CDKN2C: variants seen among roughly 807,000 people sequenced by gnomAD.
CDKN2C encodes cyclin-dependent kinase 4 inhibitor C.
In CDKN2C, 5 loss-of-function variants were observed where a neutral mutation model predicts 11.0. The ratio of observed to expected loss-of-function variants is 0.45; its 90% CI spans 0.24 to 0.95. CDKN2C has a LOEUF of 0.95. CDKN2C is among the 40% of genes least tolerant of loss of function. CDKN2C has a pLI of 0.21. For missense variants in CDKN2C, 161 were observed against 211.9 expected (o/e 0.76, Z 1.49); for synonymous variants, 79 against 88.3 (o/e 0.89, Z 0.59).
At chr1:50,972,162 A>G (rs1645384526) in intron 1 of CDKN2C, among the ~76,000 whole-genome samples, 2 of 152,278 alleles carry the variant, frequency 1.3e-5, no homozygotes, top group East Asian at 1.9e-4. Context: ...TGTTTGCTTT[A>G]CGAAGATCCA....
At chr1:50,963,294 G>T (rs1645334259) in intron 1 of CDKN2C, among the ~76,000 whole-genome samples, 1 of 152,158 alleles carries the variant, frequency 6.6e-6, no homozygotes. Context: ...ACCGCTTTAT[G>T]CCATGTGTTT....
chr1:50,967,629 A>G (rs1185028361), upstream of CDKN2C, among the ~76,000 whole-genome samples: 1 of 152,250 alleles, frequency 6.6e-6, no homozygotes, highest in Non-Finnish European at 1.5e-5. Context: ...CACTGGGTGC[A>G]TCATGCAACC....
At chr1:50,972,751 T>C (rs977188131) in intron 1 of CDKN2C, among the ~76,000 whole-genome samples, 18 of 152,184 alleles carry the variant, frequency 1.2e-4, no homozygotes, top group African/African-American at 4.8e-5. Context: ...ATAATCTTTG[T>C]TATGTGAATT....
chr1:50,970,188 G>C, upstream of CDKN2C: 1 of 697,016 alleles, frequency 1.4e-6, no homozygotes, highest in Admixed American at 2.7e-5. Context: ...CGTGTGAATC[G>C]AGGGGCGGGC....
chr1:50,964,255 C>T (rs1645337179), intron 1 of CDKN2C, among the ~76,000 whole-genome samples: 1 of 152,184 alleles, frequency 6.6e-6, no homozygotes, highest in Non-Finnish European at 1.5e-5. Context: ...TGTCATGTCT[C>T]AGTAGCCTCT....
chr1:50,961,869 A>G (rs1262208903), intron 1 of CDKN2C, among the ~76,000 whole-genome samples: 2 of 152,250 alleles, frequency 1.3e-5, no homozygotes, highest in Non-Finnish European at 2.9e-5. Flanking sequence ...GAATATATTC[A>G]TGAGAAATCA....
At position 50,974,417 on chromosome 1, in the gene CDKN2C, C is replaced by A; in HGVS notation, c.*147C>A. 1.4e-6 allele frequency: 1 copy of A among 723,182 alleles called. No individual in the cohort carries two copies. The highest frequency in any genetic ancestry group is 2.1e-6 in the Non-Finnish European group (1 of 474,738). The allele number at this position is 723,182 out of a possible 1,614,324, so 44.8% of individuals were successfully genotyped here. A position where few individuals can be genotyped will look rare whatever the true frequency, so the allele number is the denominator to read the frequency against. On this transcript the variant is annotated 3_prime_UTR_variant, in exon 2 of 2. Coordinates refer to ENST00000371761, the MANE Select transcript of CDKN2C (RefSeq NM_078626.3). Reference sequence around the variant, plus strand: ...AACTGCATAAGTGAAAATCTTACAACAGGCTTATGAATATATTTAAGCAAC... The same window carrying A: ...AACTGCATAAGTGAAAATCTTACAAAAGGCTTATGAATATATTTAAGCAAC...
chr1:50,962,917 T>C (rs992508889), intron 1 of CDKN2C, among the ~76,000 whole-genome samples: 5 of 152,244 alleles, frequency 3.3e-5, no homozygotes, highest in Non-Finnish European at 7.3e-5. Flanking sequence ...AATTGTGGTT[T>C]GAGTTCTAAC....
upstream of CDKN2C, among the ~76,000 whole-genome samples, chr1:50,967,230 A>G (rs1312953387): frequency 6.6e-6 from 1 of 152,232 alleles, no homozygotes; most frequent in African/African-American, 2.4e-5. Context: ...AGAATAATCA[A>G]AAGTAAATTA....
upstream of CDKN2C, among the ~76,000 whole-genome samples, chr1:50,965,990 A>G (rs192589954): frequency 1.6e-3 from 244 of 152,354 alleles, no homozygotes; most frequent in Non-Finnish European, 1.3e-3. Context: ...AATGAGGGAA[A>G]AGCACAGAAT....
At chr1:50,962,965 T>A (rs1307089793) in intron 1 of CDKN2C, among the ~76,000 whole-genome samples, 2 of 152,254 alleles carry the variant, frequency 1.3e-5, no homozygotes, top group African/African-American at 4.8e-5. Flanking sequence ...TCTATTTCTT[T>A]ATCTCTAAAA....
chr1:50,967,035 C>T (rs1645350154), upstream of CDKN2C, among the ~76,000 whole-genome samples: 1 of 152,138 alleles, frequency 6.6e-6, no homozygotes, highest in Admixed American at 6.5e-5. Flanking sequence ...TACGTTTACC[C>T]GTACTTTATG....
chr1:50,970,288 T>A lies in CDKN2C; in HGVS notation c.-81T>A. 1 of 1,561,490 alleles carries A rather than the reference T, an allele frequency of 6.4e-7. No homozygotes were observed. Among genetic ancestry groups the A allele is most frequent in the Non-Finnish European group, 8.7e-7 (1 of 1,142,944 alleles). On this transcript the variant is annotated 5_prime_UTR_variant, in exon 1 of 2. The change abolishes an upstream ATG in the 5' untranslated region. Coordinates refer to ENST00000371761, the MANE Select transcript of CDKN2C (RefSeq NM_078626.3). The stretch of plus-strand genomic sequence containing the variant: ...CTTCTGTCAGTCTCCGATGCCATCA[T>A]GCAGCCTGGTTAGGAGCAAAGGAAA...
intron 1 of CDKN2C, among the ~76,000 whole-genome samples, chr1:50,971,588 AT>A (rs1215559774): frequency 6.6e-6 from 1 of 152,120 alleles, no homozygotes; most frequent in East Asian, 1.9e-4. Flanking sequence ...TTAAGTAATG[AT>A]TTTTTTTCCT....
chr1:50,974,021 A>G lies in CDKN2C; in HGVS notation c.258A>G (p.Leu86=). 6.2e-7 allele frequency: 1 copy of G among 1,614,194 alleles called. No homozygotes were observed. Residue 86 remains leucine, a synonymous_variant, in exon 2 of 2, where the codon TTA becomes TTG. Coordinates refer to ENST00000371761, the MANE Select transcript of CDKN2C (RefSeq NM_078626.3). ...DAARAGFLDT[L]QTLLEFQADV... The stretch of plus-strand genomic sequence containing the variant: ...CCAGAGCAGGTTTCCTGGACACTTT[A>G]CAGACTTTGCTGGAGTTTCAAGCTG...
chr1:50,970,211 G>T (rs1645372044), upstream of CDKN2C: 2 of 848,558 alleles, frequency 2.4e-6, no homozygotes, highest in Non-Finnish European at 3.6e-6. Context: ...TTGGCAGGCA[G>T]ATCTTACTAG....
intron 1 of CDKN2C, 135 bp from the exon 2 acceptor site, chr1:50,973,758 C>A: frequency 1.9e-6 from 2 of 1,062,836 alleles, no homozygotes; most frequent in Non-Finnish European, 2.9e-6. Context: ...CCCCTTCAAG[C>A]CCCATCCTAT....
In CDKN2C at chr1:50,963,082, C is replaced by T. The variant is rs1052561457; in HGVS notation, c.-1976+2279C>T. Reference sequence around the variant, plus strand: ...ACATATTAGTTATTACTCTGTATACCAATTCCTAAATGCTTTTCTCAGGAC... The same window carrying T: ...ACATATTAGTTATTACTCTGTATACTAATTCCTAAATGCTTTTCTCAGGAC... On this transcript the variant is annotated intron_variant, in intron 1 of 3. Transcript: ENST00000262662. Among the ~76,000 whole-genome samples, 14 of 152,216 alleles carry T rather than the reference C, an allele frequency of 9.2e-5. 1 individual carries two copies. The highest frequency in any genetic ancestry group is 6.2e-4 in the South Asian group (3 of 4,826).
chr1:50,973,443 C>A (rs1024139706), intron 1 of CDKN2C, among the ~76,000 whole-genome samples: 1 of 152,080 alleles, frequency 6.6e-6, no homozygotes, highest in African/African-American at 2.4e-5. Flanking sequence ...TAAAGTTTAA[C>A]CACATATGAT....
Sources: gnomAD v4.1 joint callset for allele counts (sites outside exome capture counted in the v4.1 genomes callset) on GRCh38, gnomAD v4.1.1 for gene constraint, MANE v1.5 for transcripts, NCBI Gene and HGNC (gene_info 2026-07-23, HGNC 2026-07-21) for gene names.